The following ADAMTS19 variants were observed in gnomAD, a reference collection of about 807,000 sequenced individuals.
The protein encoded by ADAMTS19 is A disintegrin and metalloproteinase with thrombospondin motifs 19.
ADAMTS19 carries 93 observed loss-of-function variants against 153.3 expected under a neutral mutation model. That is an observed-to-expected ratio of 0.61 (90% CI 0.51 to 0.72). The LOEUF is 0.72. ADAMTS19 is among the 30% of genes least tolerant of loss of function. The pLI is 0.00. For synonymous variants in ADAMTS19, 600 were observed against 556.6 expected (o/e 1.08, Z -1.10); for missense variants, 1,482 against 1,552.1 (o/e 0.95, Z 0.76).
At chr5:129,553,952 T>C (rs775697739) in intron 7 of ADAMTS19, among the ~76,000 whole-genome samples, 1 of 152,096 alleles carries the variant, frequency 6.6e-6, no homozygotes, top group Non-Finnish European at 1.5e-5. Context: ...AAATATTTTG[T>C]CTAAATAAAA....
At chr5:129,657,833 A>G (rs1008725876) in intron 14 of ADAMTS19, among the ~76,000 whole-genome samples, 1 of 152,244 alleles carries the variant, frequency 6.6e-6, no homozygotes, top group African/African-American at 2.4e-5. Flanking sequence ...AGCCATCCAT[A>G]TAGTGAAGTA....
At chr5:129,659,931 C>A (rs910702043) in intron 15 of ADAMTS19, among the ~76,000 whole-genome samples, 2 of 152,038 alleles carry the variant, frequency 1.3e-5, no homozygotes, top group African/African-American at 4.8e-5. Flanking sequence ...ATTACAGATA[C>A]CAACATTTTC....
chr5:129,644,507 G>A (rs531973205), intron 11 of ADAMTS19, among the ~76,000 whole-genome samples: 1 of 152,296 alleles, frequency 6.6e-6, no homozygotes, highest in South Asian at 2.1e-4. Flanking sequence ...ATCTGAGAAG[G>A]TGCTTACAGA....
chr5:129,662,170 CGTTT>C (rs143647188), intron 15 of ADAMTS19, among the ~76,000 whole-genome samples: 1 of 152,178 alleles, frequency 6.6e-6, no homozygotes, highest in Non-Finnish European at 1.5e-5. Context: ...CAAAATATGG[CGTTT>C]GTTACTTCGC....
At chr5:129,603,912 T>C (rs527743349) in intron 8 of ADAMTS19, among the ~76,000 whole-genome samples, 1 of 152,324 alleles carries the variant, frequency 6.6e-6, no homozygotes, top group South Asian at 2.1e-4. Context: ...AGAGTTCTTC[T>C]AGCTAACTTT....
chr5:129,701,668 C>T (rs1467189999), intron 20 of ADAMTS19, 76 bp downstream of exon 20: 1 of 1,475,876 alleles, frequency 6.8e-7, no homozygotes, highest in Non-Finnish European at 9.1e-7. Flanking sequence ...GGATCATGTT[C>T]AGAATCTGCA....
chr5:129,721,304 C>G (rs1342382150), intron 21 of ADAMTS19, among the ~76,000 whole-genome samples: 1 of 152,104 alleles, frequency 6.6e-6, no homozygotes, highest in East Asian at 1.9e-4. Flanking sequence ...GAAAATTTAG[C>G]AACAGAGTAC....
At chr5:129,482,161 C>T (rs1160610321) in intron 2 of ADAMTS19, among the ~76,000 whole-genome samples, 1 of 152,132 alleles carries the variant, frequency 6.6e-6, no homozygotes, top group Non-Finnish European at 1.5e-5. Context: ...AGACCTCAGC[C>T]TTCTAGTACT....
At chr5:129,624,153 A>AT (rs1169759566) in intron 10 of ADAMTS19, among the ~76,000 whole-genome samples, 56 of 146,602 alleles carry the variant, frequency 3.8e-4, no homozygotes, top group South Asian at 1.1e-3. Flanking sequence ...AAAAAAAAAA[A>AT]GGCTGTACGG....
intron 7 of ADAMTS19, among the ~76,000 whole-genome samples, chr5:129,556,946 C>T (rs946934660): frequency 2.0e-5 from 3 of 152,064 alleles, no homozygotes; most frequent in South Asian, 2.1e-4. Context: ...ATTTGGATAC[C>T]TTAAGCCACT....
intron 7 of ADAMTS19, among the ~76,000 whole-genome samples, chr5:129,556,032 C>T (rs956380477): frequency 7.9e-5 from 12 of 152,050 alleles, no homozygotes; most frequent in East Asian, 1.9e-4. Context: ...CAAGTGCTTC[C>T]GTTGATAAAT....
chr5:129,469,782 C>T (rs181702253), intron 2 of ADAMTS19, among the ~76,000 whole-genome samples: 4 of 152,212 alleles, frequency 2.6e-5, no homozygotes, highest in African/African-American at 4.8e-5. Context: ...CACAGTTATT[C>T]GATTTAGTAA....
At chr5:129,646,563 C>T (rs774993723) in intron 11 of ADAMTS19, among the ~76,000 whole-genome samples, 1 of 152,024 alleles carries the variant, frequency 6.6e-6, no homozygotes, top group Non-Finnish European at 1.5e-5. Context: ...CATAATGATA[C>T]TTATAACTCT....
At chr5:129,657,324 TTC>T (rs1347335283) in intron 14 of ADAMTS19, among the ~76,000 whole-genome samples, 9 of 152,190 alleles carry the variant, frequency 5.9e-5, no homozygotes, top group Non-Finnish European at 1.0e-4. Flanking sequence ...GTCACAAAGA[TTC>T]TGTTTTTGTT....
chr5:129,481,840 A>G (rs536285056), intron 2 of ADAMTS19, among the ~76,000 whole-genome samples: 1 of 152,168 alleles, frequency 6.6e-6, no homozygotes, highest in African/African-American at 2.4e-5. Context: ...AATAGAGTGC[A>G]GGTATTACTT....
At chr5:129,588,968 C>G (rs1749959685) in intron 7 of ADAMTS19, among the ~76,000 whole-genome samples, 1 of 151,530 alleles carries the variant, frequency 6.6e-6, no homozygotes, top group African/African-American at 2.4e-5. Flanking sequence ...TTTAAATTTT[C>G]TTTTCCCCTA....
rs554977530 is a variant in ADAMTS19, at chr5:129,626,453, T to A, written c.1770+4105T>A. Among the ~76,000 whole-genome samples, 6 of 152,182 alleles carry A rather than the reference T, an allele frequency of 3.9e-5. No homozygotes were observed. The South Asian group carries it at 1.2e-3, about 31-fold the overall frequency. ...CTGAAAATATGATTGTTTATTTAGG[T>A]TTTTTAAATCTGTTTCTCAGTATCC... On this transcript the variant is annotated intron_variant, in intron 10 of 22. Coordinates refer to ENST00000274487, the MANE Select transcript of ADAMTS19 (RefSeq NM_133638.6).
At chr5:129,533,241 T>G (rs1306802927) in intron 6 of ADAMTS19, among the ~76,000 whole-genome samples, 1 of 152,198 alleles carries the variant, frequency 6.6e-6, no homozygotes, top group African/African-American at 2.4e-5. Context: ...GAAAACTGAC[T>G]GCAAAAAGGC....
At chr5:129,694,109 T>C (rs925056855) in intron 18 of ADAMTS19, among the ~76,000 whole-genome samples, 1 of 152,164 alleles carries the variant, frequency 6.6e-6, no homozygotes, top group Admixed American at 6.5e-5. Context: ...ATGGCCACAA[T>C]CCTTTACAAT....
Sources: allele counts gnomAD v4.1 joint callset (sites outside exome capture counted in the v4.1 genomes callset), GRCh38; gene constraint gnomAD v4.1.1; transcripts MANE v1.5; gene names NCBI Gene and HGNC (gene_info 2026-07-23, HGNC 2026-07-21).